PDE4C: variants seen among roughly 807,000 people sequenced by gnomAD.
PDE4C encodes the protein 3',5'-cyclic-AMP phosphodiesterase 4C.
Under a neutral mutation model 63.9 loss-of-function variants are expected in PDE4C, and 50 were observed. That is an observed-to-expected ratio of 0.78 (90% CI 0.62 to 0.99). The LOEUF (loss-of-function observed/expected upper bound fraction) is 0.99, where lower values mean the gene tolerates loss of function less well. Among genes scored for constraint, PDE4C ranks in the 50% least tolerant of loss-of-function variants. The pLI, the probability that PDE4C is intolerant of heterozygous loss-of-function variation, is 0.00. For missense variants in PDE4C, 777 were observed against 899.1 expected (o/e 0.86, Z 1.74); for synonymous variants, 377 against 385.1 (o/e 0.98, Z 0.25).
upstream of PDE4C, among the ~76,000 whole-genome samples, chr19:18,235,575 G>T (rs908570794): frequency 6.6e-6 from 1 of 152,088 alleles, no homozygotes; most frequent in African/African-American, 2.4e-5. Flanking sequence ...CCCAGACACT[G>T]CCCAAGCCTC....
chr19:18,224,297 GCCTGAGAC>G (rs1968628177), intron 1 of PDE4C: 4 of 985,482 alleles, frequency 4.1e-6, no homozygotes, highest in African/African-American at 3.5e-5. Context: ...AACCGGGACC[GCCTGAGAC>G]TCGGAGCTCC....
chr19:18,249,579 T>A (rs1259402384), upstream of PDE4C, among the ~76,000 whole-genome samples: 2 of 145,744 alleles, frequency 1.4e-5, no homozygotes, highest in Non-Finnish European at 3.0e-5. Context: ...CTGGCCCTAT[T>A]TTTTTTTTTT....
intron 1 of PDE4C, among the ~76,000 whole-genome samples, 160 bp downstream of exon 1, chr19:18,226,110 A>C (rs931690842): frequency 1.3e-5 from 2 of 152,222 alleles, no homozygotes; most frequent in African/African-American, 2.4e-5. Context: ...AAGGTAGGGT[A>C]GAGGGAGAGA....
intron 7 of PDE4C, among the ~76,000 whole-genome samples, chr19:18,219,850 C>A (rs1048721289): frequency 6.6e-6 from 1 of 151,958 alleles, no homozygotes; most frequent in Non-Finnish European, 1.5e-5. Context: ...CCTGTCTTGC[C>A]TGTAGCTACC....
At chr19:18,244,557 G>A (rs1263440380) in intron 1 of PDE4C, among the ~76,000 whole-genome samples, 1 of 152,104 alleles carries the variant, frequency 6.6e-6, no homozygotes, top group Non-Finnish European at 1.5e-5. Flanking sequence ...TTGTCACCCA[G>A]GCTGGAGTGC....
At chr19:18,235,540 C>T (rs1278642526), upstream of PDE4C, among the ~76,000 whole-genome samples, 4 of 152,188 alleles carry the variant, frequency 2.6e-5, no homozygotes, top group Non-Finnish European at 5.9e-5. Context: ...GGCTCCCACC[C>T]TGGTCCAAGC....
the PDE4C span, among the ~76,000 whole-genome samples, chr19:18,254,075 G>A: frequency 6.6e-6 from 1 of 152,218 alleles, no homozygotes; most frequent in South Asian, 2.1e-4. Context: ...CCCAGGCCCT[G>A]TGGGGATGAC....
upstream of PDE4C, among the ~76,000 whole-genome samples, chr19:18,238,468 C>A (rs1968989777): frequency 6.6e-6 from 1 of 151,740 alleles, no homozygotes. Context: ...GAACTCCTGA[C>A]CTCAAGTGAT....
downstream of PDE4C, chr19:18,209,980 C>A (rs1967857427): frequency 6.6e-6 from 1 of 152,102 alleles, no homozygotes; most frequent in African/African-American, 2.4e-5. Flanking sequence ...AGGCATGGGC[C>A]ACTGTGCTCG....
chr19:18,234,944 G>A (rs1322228110), upstream of PDE4C, among the ~76,000 whole-genome samples: 1 of 152,152 alleles, frequency 6.6e-6, no homozygotes, highest in Non-Finnish European at 1.5e-5. Context: ...AGACAACTTG[G>A]CTCAATGGTG....
upstream of PDE4C, among the ~76,000 whole-genome samples, chr19:18,235,357 G>A (rs754726530): frequency 6.6e-5 from 10 of 152,316 alleles, no homozygotes; most frequent in Admixed American, 5.2e-4. Context: ...TTTTAGTAGA[G>A]ACGCAGTTTC....
intron 7 of PDE4C, among the ~76,000 whole-genome samples, chr19:18,219,822 CAAA>C (rs756859802): frequency 1.4e-5 from 2 of 139,744 alleles, no homozygotes. Context: ...AACTCTGTAT[CAAA>C]AAAAAAAAAA....
intron 1 of PDE4C, among the ~76,000 whole-genome samples, chr19:18,243,774 G>A (rs958774600): frequency 2.0e-5 from 3 of 152,152 alleles, no homozygotes; most frequent in Non-Finnish European, 4.4e-5. Context: ...GTAAGGATGG[G>A]GCTCCCAGGG....
chr19:18,227,241 T>C (rs558895564), upstream of PDE4C, among the ~76,000 whole-genome samples: 1 of 152,260 alleles, frequency 6.6e-6, no homozygotes, highest in South Asian at 2.1e-4. Flanking sequence ...GTGGGGAAAC[T>C]GAGGCTTCCA....
chr19:18,211,163 C>G lies in PDE4C; in HGVS notation c.1809G>C (p.Gln603His), dbSNP rs966600135. 8.7e-6 allele frequency: 14 copies of G among 1,614,188 alleles called. No homozygotes were observed. Among genetic ancestry groups the G allele is most frequent in the Admixed American group, 3.3e-5 (2 of 60,006 alleles). The change falls in exon 15 of 15, where the codon CAG becomes CAC. Residue 603 changes from glutamine (Q) to histidine (H), a missense_variant. Physicochemically the swap from Gln to His is conservative, Grantham distance 24. Around this residue, in one of 3 missense-constraint regions of PDE4C, gnomAD observed 500 missense variants for 597.8 expected, o/e 0.84. Transcript: ENST00000262805. ...CTGAGGGACTTCGGGGGATCTTGCT[C>G]TGGTACCACTCTCGATTGTCCTCCA...
At chr19:18,208,532 T>A (rs189206783), downstream of PDE4C, 15 of 86,912 alleles carry the variant, frequency 1.7e-4, no homozygotes, top group African/African-American at 5.4e-4. Flanking sequence ...CACCAGGGGG[T>A]GCCGCTGGCT....
At chr19:18,237,145 G>A (rs971979820), upstream of PDE4C, 2 of 152,422 alleles carry the variant, frequency 1.3e-5, no homozygotes, top group African/African-American at 4.8e-5. Flanking sequence ...CAGACACCTG[G>A]ACTGGCCCAG....
chr19:18,235,583 C>T (rs1420737748), upstream of PDE4C, among the ~76,000 whole-genome samples: 4 of 152,200 alleles, frequency 2.6e-5, no homozygotes, highest in African/African-American at 9.7e-5. Context: ...CTGCCCAAGC[C>T]TCCTTCCTAG....
chr19:18,254,918 T>C, the PDE4C span, among the ~76,000 whole-genome samples: 1 of 152,220 alleles, frequency 6.6e-6, no homozygotes, highest in Non-Finnish European at 1.5e-5. Flanking sequence ...GGGGATTGGC[T>C]AAAAGCAACA....
Sources: allele counts gnomAD v4.1 joint callset (sites outside exome capture counted in the v4.1 genomes callset), GRCh38; gene constraint gnomAD v4.1.1; regional missense constraint gnomAD v4.1.1; transcripts MANE v1.5; gene names NCBI Gene and HGNC (gene_info 2026-07-23, HGNC 2026-07-21).